Variants in ZNF236 observed in about 807,000 individuals in gnomAD.
The protein encoded by ZNF236 is zinc finger protein 236.
Under a neutral mutation model 191.2 loss-of-function variants are expected in ZNF236, and 50 were observed. The ratio of observed to expected loss-of-function variants is 0.26; its 90% CI spans 0.21 to 0.33. The LOEUF is 0.33. Among genes scored for constraint, ZNF236 ranks in the 10% least tolerant of loss-of-function variants. The probability of loss-of-function intolerance (pLI) is 1.00; values close to 1 mark genes in which losing one functional copy is unlikely to be tolerated. For synonymous variants in ZNF236, 907 were observed against 928.8 expected (o/e 0.98, Z 0.43); for missense variants, 1,754 against 2,374.5 (o/e 0.74, Z 5.43).
intron 25 of ZNF236, among the ~76,000 whole-genome samples, chr18:76,935,749 G>T (rs886224549): frequency 6.6e-6 from 1 of 152,224 alleles, no homozygotes; most frequent in East Asian, 1.9e-4. Context: ...CGGTAAGGGT[G>T]TGTGGAGGGA....
chr18:76,964,230 C>G (rs1453663019), intron 30 of ZNF236, among the ~76,000 whole-genome samples: 1 of 152,190 alleles, frequency 6.6e-6, no homozygotes, highest in African/African-American at 2.4e-5. Context: ...ACTGCCTTTG[C>G]TGTATCCCAG....
intron 16 of ZNF236, among the ~76,000 whole-genome samples, chr18:76,911,825 G>C (rs1244593879): frequency 2.0e-5 from 3 of 152,206 alleles, no homozygotes; most frequent in African/African-American, 4.8e-5. Flanking sequence ...TGCCCTATAT[G>C]TGCGTGGTAC....
At chr18:76,948,947 C>T (rs539738894) in intron 27 of ZNF236, among the ~76,000 whole-genome samples, 1 of 152,288 alleles carries the variant, frequency 6.6e-6, no homozygotes, top group South Asian at 2.1e-4. Context: ...TACACTCTTA[C>T]CTACTAATAG....
At chr18:76,834,708 A>G (rs1975270812) in intron 1 of ZNF236, 2 of 448,278 alleles carry the variant, frequency 4.5e-6, no homozygotes, top group South Asian at 1.9e-5. Context: ...TGACCTTTAT[A>G]GTGTCCTCAT....
At chr18:76,855,668 G>A (rs1419306628) in intron 3 of ZNF236, among the ~76,000 whole-genome samples, 2 of 152,030 alleles carry the variant, frequency 1.3e-5, no homozygotes, top group East Asian at 3.9e-4. Flanking sequence ...AAGCTATGGT[G>A]ATCAAATATT....
In ZNF236 at chr18:76,919,735, C is replaced by G. The variant is rs1568230159; in HGVS notation, c.3275-41C>G. The G allele has an allele frequency of 3.1e-6, 5 of 1,600,084 alleles. No individual in the cohort carries two copies. In the South Asian group the frequency reaches 5.5e-5, roughly 18 times the overall value. On this transcript the variant is annotated intron_variant, in intron 19 of 30. Coordinates refer to ENST00000320610, the MANE Select transcript of ZNF236 (RefSeq NM_001306089.2). This position sits in a 1 kb window ranked among gnomAD's most constrained non-coding sequence, Gnocchi z 5.3. ...TTGTTTTGCTAAAAACCTAGGTTTT[C>G]TTCATTACGATTTTGATCCCTTTTC...
At position 76,968,243 on chromosome 18, in the gene ZNF236, G is replaced by A. The variant is rs200551781; in HGVS notation, c.5448G>A (p.Pro1816=). ...CTCTGCAGGAGTCTGCAGGTCACCC[G>A]GAGCAGGACGGGGAGGAGCTGAGCC... The part of the protein sequence containing the change: ...AGALQESAGH[P]EQDGEELSRT... The change falls in exon 31 of 31, where the codon CCG becomes CCA. Residue 1816 remains proline (P), a synonymous_variant. Coordinates refer to ENST00000320610, the MANE Select transcript of ZNF236 (RefSeq NM_001306089.2). 129 of 1,613,270 alleles carry A rather than the reference G, an allele frequency of 8.0e-5. No homozygotes were observed. The African/African-American group carries it at 1.5e-3, about 19-fold the overall frequency.
At chr18:76,941,140 G>GT (rs1968124658) in intron 26 of ZNF236, among the ~76,000 whole-genome samples, 3 of 152,306 alleles carry the variant, frequency 2.0e-5, no homozygotes, top group South Asian at 4.1e-4. Context: ...TGCTGGTGTA[G>GT]TGCACAAGGG....
rs1222183948 is a variant in ZNF236, at chr18:76,852,009, G to A, written c.363+70G>A. On this transcript the variant is annotated intron_variant, in intron 3 of 30. Coordinates refer to ENST00000320610, the MANE Select transcript of ZNF236 (RefSeq NM_001306089.2). ...AATACATCTGATCATGAGTCAGGAG[G>A]ATTTTAGATATAAACTTGTTTTGAA... The A allele has an allele frequency of 7.6e-6, 11 of 1,450,174 alleles. No individual in the cohort carries two copies. In the Admixed American group the frequency reaches 2.5e-4, roughly 33 times the overall value. The allele number at this position is 1,450,174 out of a possible 1,614,324, so 89.8% of individuals were successfully genotyped here.
chr18:76,867,920 A>T (rs1213478680), intron 3 of ZNF236, among the ~76,000 whole-genome samples: 2 of 152,136 alleles, frequency 1.3e-5, no homozygotes, highest in Non-Finnish European at 2.9e-5. Flanking sequence ...GAACATCTAG[A>T]CCAGCATCAT....
intron 3 of ZNF236, among the ~76,000 whole-genome samples, chr18:76,863,647 C>T (rs534837409): frequency 6.6e-6 from 1 of 150,854 alleles, no homozygotes; most frequent in African/African-American, 2.4e-5. Flanking sequence ...AGGCTGGTCT[C>T]GAACTCATGG....
intron 9 of ZNF236, among the ~76,000 whole-genome samples, chr18:76,889,123 C>T (rs1366984855): frequency 2.0e-5 from 3 of 152,210 alleles, no homozygotes; most frequent in Non-Finnish European, 2.9e-5. Flanking sequence ...TGGGACTCAC[C>T]TTCACACCTG....
intron 28 of ZNF236, among the ~76,000 whole-genome samples, chr18:76,957,550 G>A (rs470560): frequency 0.48 from 73,631 of 152,006 alleles, 19,585 homozygotes; most frequent in Non-Finnish European, 0.59. Flanking sequence ...AGGTTCGGAG[G>A]TGCATGTGCA....
At chr18:76,891,271 G>C (rs1225280174) in intron 9 of ZNF236, among the ~76,000 whole-genome samples, 1 of 152,184 alleles carries the variant, frequency 6.6e-6, no homozygotes, top group Non-Finnish European at 1.5e-5. Context: ...TATATGTATA[G>C]CTAAGTTTGT....
intron 27 of ZNF236, among the ~76,000 whole-genome samples, chr18:76,948,396 C>G (rs1204441199): frequency 6.6e-6 from 1 of 152,224 alleles, no homozygotes; most frequent in African/African-American, 2.4e-5. Flanking sequence ...GTAACCAGAG[C>G]TGTCTCACTG....
intron 3 of ZNF236, among the ~76,000 whole-genome samples, chr18:76,865,434 C>A (rs1042347133): frequency 2.0e-5 from 3 of 152,206 alleles, no homozygotes; most frequent in South Asian, 2.1e-4. Context: ...TGGCCCAGCA[C>A]AGTTCCTGGC....
At chr18:76,934,678 AAACTG>A (rs2122869668) in intron 25 of ZNF236, among the ~76,000 whole-genome samples, 1 of 152,352 alleles carries the variant, frequency 6.6e-6, no homozygotes, top group South Asian at 2.1e-4. Context: ...GTGTATATTA[AAACTG>A]AAGAGGACGT....
chr18:76,905,029 G>A (rs913279070), intron 12 of ZNF236, 126 bp from the exon 13 acceptor site: 12 of 1,036,956 alleles, frequency 1.2e-5, no homozygotes, highest in African/African-American at 1.1e-4. Context: ...GGAGAGCTCC[G>A]GCATTGCTGC....
chr18:76,959,922 T>C, intron 29 of ZNF236, 106 bp downstream of exon 29: 1 of 1,346,068 alleles, frequency 7.4e-7, no homozygotes, highest in Non-Finnish European at 1.0e-6. Flanking sequence ...TGGAATGCTT[T>C]ATTTATAAAG....
Sources: gnomAD v4.1 joint callset for allele counts (sites outside exome capture counted in the v4.1 genomes callset) on GRCh38, gnomAD v4.1.1 for gene constraint, Gnocchi (gnomAD v3.1) non-coding constraint, MANE v1.5 for transcripts, NCBI Gene and HGNC (gene_info 2026-07-23, HGNC 2026-07-21) for gene names.